SNX25: variants seen among roughly 807,000 people sequenced by gnomAD.
SNX25 encodes sorting nexin-25.
In SNX25, 62 loss-of-function variants were observed where a neutral mutation model predicts 113.7. The ratio of observed to expected loss-of-function variants is 0.55; its 90% CI spans 0.44 to 0.67. The LOEUF (loss-of-function observed/expected upper bound fraction) is 0.67, where lower values mean the gene tolerates loss of function less well. Among genes scored for constraint, SNX25 ranks in the 30% least tolerant of loss-of-function variants. SNX25 has a pLI of 0.00. For missense variants in SNX25, 1,014 were observed against 1,161.0 expected (o/e 0.87, Z 1.84); for synonymous variants, 421 against 436.2 (o/e 0.97, Z 0.43).
intron 4 of SNX25, among the ~76,000 whole-genome samples, chr4:185,265,269 A>G (rs902372457): frequency 7.2e-5 from 11 of 152,232 alleles, no homozygotes; most frequent in Non-Finnish European, 1.5e-4. Flanking sequence ...TCATTGTGCA[A>G]ATATCATAGA....
the SNX25 span, chr4:185,376,850 G>A: frequency 2.5e-6 from 3 of 1,216,090 alleles, no homozygotes; most frequent in East Asian, 4.7e-5. Context: ...TGAAATTTTT[G>A]TCTGAGGATC....
At chr4:185,291,337 C>T (rs557098914) in intron 6 of SNX25, among the ~76,000 whole-genome samples, 1 of 152,266 alleles carries the variant, frequency 6.6e-6, no homozygotes, top group South Asian at 2.1e-4. Flanking sequence ...ACTGAAACTT[C>T]GTATCCGTTA....
chr4:185,314,087 G>T (rs923767000), intron 7 of SNX25, among the ~76,000 whole-genome samples: 9 of 152,090 alleles, frequency 5.9e-5, no homozygotes, highest in African/African-American at 2.2e-4. Flanking sequence ...AACCCTGTAC[G>T]AGTGGGCCTG....
rs79101713 is a variant in SNX25 at position 185,347,859 on chromosome 4, T to G, written c.2301+1209T>G. Among the ~76,000 whole-genome samples the G allele has an allele frequency of 5.1e-4, 77 of 152,376 alleles. 1 individual carries two copies. The highest frequency in any genetic ancestry group is 1.0e-3 in the Non-Finnish European group (69 of 68,032). ...GTCCATGTTCTGGATCTGAGTTCCTTGTCAGATCTTACGTGCTACAAATAT... is the reference window on the plus strand; with the variant it reads ...GTCCATGTTCTGGATCTGAGTTCCTGGTCAGATCTTACGTGCTACAAATAT... On this transcript the variant is annotated intron_variant, in intron 13 of 18. Transcript: ENST00000652585.
chr4:185,354,737 C>G (rs968722596), intron 15 of SNX25, among the ~76,000 whole-genome samples: 1 of 152,234 alleles, frequency 6.6e-6, no homozygotes, highest in Non-Finnish European at 1.5e-5. Flanking sequence ...TTGAATAGGA[C>G]TTAATGCTAC....
intron 2 of SNX25, among the ~76,000 whole-genome samples, chr4:185,253,697 G>A (rs7698726): frequency 0.34 from 51,653 of 152,088 alleles, 10,644 homozygotes; most frequent in East Asian, 0.57. Context: ...TTGAATTCCT[G>A]AGCTCAGGTG....
chr4:185,317,399 G>A (rs559692463), intron 7 of SNX25, among the ~76,000 whole-genome samples: 1 of 152,272 alleles, frequency 6.6e-6, no homozygotes, highest in African/African-American at 2.4e-5. Context: ...CAACCGTTGT[G>A]GAAGACAGTG....
chr4:185,214,457 C>T (rs940758796), intron 1 of SNX25, among the ~76,000 whole-genome samples: 1 of 151,698 alleles, frequency 6.6e-6, no homozygotes, highest in African/African-American at 2.4e-5. Flanking sequence ...TCTGCAGTCC[C>T]AGCTACTTGG....
chr4:185,357,858 C>A (rs531775257), intron 16 of SNX25, 121 bp downstream of exon 16: 66 of 828,322 alleles, frequency 8.0e-5, no homozygotes, highest in Non-Finnish European at 1.6e-5. Context: ...TCTCACTTTT[C>A]GTTTCTGATA....
At chr4:185,323,455 A>T (rs1319055039) in intron 8 of SNX25, 73 bp from the exon 9 acceptor site, 2 of 1,448,374 alleles carry the variant, frequency 1.4e-6, no homozygotes, top group Admixed American at 2.2e-5. Context: ...TTTCAAATGC[A>T]AATAATTCAG....
chr4:185,374,357 T>G (rs2095426055), downstream of SNX25: 5 of 1,614,066 alleles, frequency 3.1e-6, no homozygotes, highest in Non-Finnish European at 4.2e-6. Context: ...CACCTTTTCC[T>G]TCATAATAAG....
intron 10 of SNX25, among the ~76,000 whole-genome samples, chr4:185,335,292 C>A (rs1277991229): frequency 2.0e-5 from 3 of 148,966 alleles, no homozygotes; most frequent in Non-Finnish European, 4.4e-5. Flanking sequence ...TGCACTCCAG[C>A]CTGGGCAATA....
At chr4:185,263,224 G>A (rs994545055) in intron 3 of SNX25, among the ~76,000 whole-genome samples, 1 of 152,060 alleles carries the variant, frequency 6.6e-6, no homozygotes, top group African/African-American at 2.4e-5. Context: ...AGCTTCTCTT[G>A]TAAAAGTGGT....
At chr4:185,226,141 G>A (rs751784239) in intron 1 of SNX25, among the ~76,000 whole-genome samples, 110 of 152,250 alleles carry the variant, frequency 7.2e-4, no homozygotes, top group Non-Finnish European at 1.1e-3. Context: ...CCAGGCAGCC[G>A]CTGAAAATTC....
intron 10 of SNX25, among the ~76,000 whole-genome samples, chr4:185,336,402 T>C (rs753329772): frequency 3.9e-5 from 6 of 152,218 alleles, no homozygotes; most frequent in East Asian, 1.9e-4. Context: ...CTCCCACTTA[T>C]GAGTGAGAAC....
At chr4:185,342,151 A>C in intron 12 of SNX25, 35 bp downstream of exon 12, 2 of 1,496,772 alleles carry the variant, frequency 1.3e-6, no homozygotes, top group Non-Finnish European at 1.8e-6. Context: ...TTCTAGAATT[A>C]CTGCACAAGA....
chr4:185,267,022 C>A lies in SNX25; in HGVS notation c.958C>A (p.Leu320Met). 6.2e-7 allele frequency: 1 copy of A among 1,613,950 alleles called. No homozygotes were observed. The highest frequency in any genetic ancestry group is 8.5e-7 in the Non-Finnish European group (1 of 1,179,908). ...TAATCCAGATTACATTAACCAAATG[C>A]TGCTTGCCCAGCTGGCGTACAGAGA... ...LSNPDYINQM[L>M]LAQLAYREQM... Residue 320 changes from leucine (L) to methionine (M), a missense_variant, in exon 5 of 19, where the codon CTG becomes ATG. Transcript: ENST00000652585.
At chr4:185,206,093 T>G (rs557512271), upstream of SNX25, among the ~76,000 whole-genome samples, 1 of 152,034 alleles carries the variant, frequency 6.6e-6, no homozygotes, top group Non-Finnish European at 1.5e-5. Context: ...CTGTGGAAAA[T>G]AGTATGGCAT....
chr4:185,344,316 A>G (rs1413122349), intron 12 of SNX25, among the ~76,000 whole-genome samples: 1 of 152,178 alleles, frequency 6.6e-6, no homozygotes, highest in Non-Finnish European at 1.5e-5. Context: ...CAGCAGGTCT[A>G]GGGAGTGTCA....
Sources: gnomAD v4.1 joint callset for allele counts (sites outside exome capture counted in the v4.1 genomes callset) on GRCh38, gnomAD v4.1.1 for gene constraint, MANE v1.5 for transcripts, NCBI Gene and HGNC (gene_info 2026-07-23, HGNC 2026-07-21) for gene names.